TRIM9: variants seen among roughly 807,000 people sequenced by gnomAD.
TRIM9 encodes the protein tripartite motif containing 9.
In TRIM9, 26 loss-of-function variants were observed where a neutral mutation model predicts 78.3. That is an observed-to-expected ratio of 0.33 (90% CI 0.24 to 0.46). The LOEUF is 0.46. Among genes scored for constraint, TRIM9 ranks in the 20% least tolerant of loss-of-function variants. TRIM9 has a pLI of 1.00. For missense variants in TRIM9, 787 were observed against 1,036.4 expected (o/e 0.76, Z 3.30); for synonymous variants, 398 against 416.5 (o/e 0.96, Z 0.54).
intron 1 of TRIM9, among the ~76,000 whole-genome samples, chr14:51,084,406 C>G (rs1402903658): frequency 6.6e-6 from 1 of 152,194 alleles, no homozygotes; most frequent in Non-Finnish European, 1.5e-5. Flanking sequence ...AGATTCACTT[C>G]CATAATGGCA....
intron 1 of TRIM9, among the ~76,000 whole-genome samples, chr14:51,083,835 C>T (rs576922014): frequency 2.0e-5 from 3 of 152,044 alleles, no homozygotes; most frequent in Middle Eastern, 3.2e-3. Flanking sequence ...ACATTTTAAC[C>T]AAAATAGTAT....
intron 1 of TRIM9, among the ~76,000 whole-genome samples, chr14:51,057,079 T>C (rs183868478): frequency 7.4e-4 from 112 of 152,368 alleles, no homozygotes; most frequent in Non-Finnish European, 1.4e-3. Context: ...GTAGCCAGCA[T>C]AGGCTCTCAG....
chr14:51,065,701 A>G (rs2061677758), intron 1 of TRIM9, among the ~76,000 whole-genome samples: 1 of 152,196 alleles, frequency 6.6e-6, no homozygotes, highest in Non-Finnish European at 1.5e-5. Flanking sequence ...CTTCATGAGC[A>G]TGAGATTTTA....
At chr14:50,983,795 C>A (rs2052321504) in intron 8 of TRIM9, among the ~76,000 whole-genome samples, 1 of 152,218 alleles carries the variant, frequency 6.6e-6, no homozygotes, top group Non-Finnish European at 1.5e-5. Flanking sequence ...TAAAACTCTG[C>A]TCTCACTATT....
intron 3 of TRIM9, among the ~76,000 whole-genome samples, chr14:51,016,190 A>G (rs1239981312): frequency 1.2e-4 from 18 of 152,176 alleles, no homozygotes; most frequent in Non-Finnish European, 1.5e-5. Flanking sequence ...TACAATGTAA[A>G]TAGGTATTAT....
At chr14:50,991,833 A>G (rs1321360635) in intron 7 of TRIM9, among the ~76,000 whole-genome samples, 1 of 152,178 alleles carries the variant, frequency 6.6e-6, no homozygotes, top group Non-Finnish European at 1.5e-5. Context: ...GGACATATCC[A>G]AGTTACACCA....
At chr14:51,066,238 T>C (rs1360055906) in intron 1 of TRIM9, among the ~76,000 whole-genome samples, 2 of 152,220 alleles carry the variant, frequency 1.3e-5, no homozygotes, top group Non-Finnish European at 2.9e-5. Context: ...TCAGTGTCTG[T>C]GTTTCATCTT....
At chr14:51,070,097 A>G (rs2062084780) in intron 1 of TRIM9, among the ~76,000 whole-genome samples, 1 of 152,068 alleles carries the variant, frequency 6.6e-6, no homozygotes, top group Admixed American at 6.6e-5. Flanking sequence ...CATGTTTTTC[A>G]TTTTGGTGCT....
intron 1 of TRIM9, among the ~76,000 whole-genome samples, chr14:51,051,532 C>T (rs1030123172): frequency 6.6e-6 from 1 of 152,130 alleles, no homozygotes; most frequent in Non-Finnish European, 1.5e-5. Flanking sequence ...GAGATTTTTA[C>T]ACAAAGAACC....
chr14:51,075,327 T>C (rs2062673152), intron 1 of TRIM9, among the ~76,000 whole-genome samples: 1 of 152,234 alleles, frequency 6.6e-6, no homozygotes, highest in African/African-American at 2.4e-5. Flanking sequence ...TTCATAATTA[T>C]TTCATGTAAT....
intron 5 of TRIM9, among the ~76,000 whole-genome samples, chr14:51,005,961 G>A (rs2055739605): frequency 6.6e-6 from 1 of 152,172 alleles, no homozygotes; most frequent in African/African-American, 2.4e-5. Context: ...ATAGCAGCTG[G>A]TCTGAGTGAA....
intron 12 of TRIM9, among the ~76,000 whole-genome samples, chr14:50,978,624 G>A (rs935132137): frequency 2.0e-5 from 3 of 151,974 alleles, no homozygotes; most frequent in Non-Finnish European, 4.4e-5. Flanking sequence ...ACCACTCATG[G>A]GCCCTTGGTC....
chr14:50,983,610 G>A (rs1566543454), intron 8 of TRIM9, among the ~76,000 whole-genome samples, 189 bp from the exon 9 acceptor site: 1 of 152,164 alleles, frequency 6.6e-6, no homozygotes, highest in Admixed American at 6.5e-5. Flanking sequence ...AAAATGAAAA[G>A]CACATCTTTT....
chr14:51,047,952 C>A lies in TRIM9; in HGVS notation c.823-22592G>T, dbSNP rs573360617. On this transcript the variant is annotated intron_variant, in intron 1 of 12. Transcript: ENST00000684578. ...TCCAACCTGGGCGATACTGTGAGACCCTGTCTCAAAAAAAAAAAAAAATCC... is the reference window on the plus strand; with the variant it reads ...TCCAACCTGGGCGATACTGTGAGACACTGTCTCAAAAAAAAAAAAAAATCC... 3.7e-5 allele frequency among the ~76,000 whole-genome samples: 4 copies of A among 107,660 alleles called. No homozygotes were observed. The East Asian group carries it at 1.0e-3, about 27-fold the overall frequency. The allele number at this position is 107,660 out of a possible 152,430, so 70.6% of individuals were successfully genotyped here. A position where few individuals can be genotyped will look rare whatever the true frequency, so the allele number is the denominator to read the frequency against.
At chr14:51,040,722 A>G (rs1434848930) in intron 1 of TRIM9, among the ~76,000 whole-genome samples, 1 of 152,166 alleles carries the variant, frequency 6.6e-6, no homozygotes, top group Non-Finnish European at 1.5e-5. Context: ...TACTTTGATT[A>G]TGAGTTTGAG....
intron 6 of TRIM9, 135 bp from the exon 7 acceptor site, chr14:50,998,323 G>A: frequency 1.2e-6 from 1 of 815,774 alleles, no homozygotes; most frequent in Non-Finnish European, 1.9e-6. Context: ...TGAGATATTG[G>A]GCCATTTAAT....
intron 1 of TRIM9, among the ~76,000 whole-genome samples, chr14:51,071,253 G>A (rs145818009): frequency 0.092 from 14,004 of 151,720 alleles, 865 homozygotes; most frequent in African/African-American, 0.18. Flanking sequence ...GCACATGCCT[G>A]TAATCCCAGC....
At chr14:51,008,788 T>C (rs902740494) in intron 5 of TRIM9, among the ~76,000 whole-genome samples, 2 of 152,236 alleles carry the variant, frequency 1.3e-5, no homozygotes, top group Non-Finnish European at 2.9e-5. Context: ...ATTTTATTTA[T>C]GTATTGTGAT....
intron 3 of TRIM9, among the ~76,000 whole-genome samples, chr14:51,019,445 T>C (rs1013223192): frequency 7.2e-5 from 11 of 152,226 alleles, no homozygotes; most frequent in Non-Finnish European, 1.3e-4. Context: ...CATCTGCATA[T>C]GTCTCCAAAG....
Sources: allele counts gnomAD v4.1 joint callset (sites outside exome capture counted in the v4.1 genomes callset), GRCh38; gene constraint gnomAD v4.1.1; transcripts MANE v1.5; gene names NCBI Gene and HGNC (gene_info 2026-07-23, HGNC 2026-07-21).